CR1L: variants seen among roughly 807,000 people sequenced by gnomAD.
CR1L encodes the protein complement component receptor 1-like protein.
In CR1L, 59 loss-of-function variants were observed where a neutral mutation model predicts 62.3. The ratio of observed to expected loss-of-function variants is 0.95; its 90% CI spans 0.77 to 1.18. CR1L has a LOEUF of 1.18. CR1L is among the 50% of genes most tolerant of loss of function. The pLI is 0.00. For synonymous variants in CR1L, 279 were observed against 248.7 expected (o/e 1.12, Z -1.15); for missense variants, 700 against 702.8 (o/e 1.00, Z 0.04).
chr1:207,663,558 A>T (rs1429813284), intron 1 of CR1L, among the ~76,000 whole-genome samples: 5 of 152,214 alleles, frequency 3.3e-5, no homozygotes, highest in Non-Finnish European at 5.9e-5. Context: ...TTCTTTGACT[A>T]GGAAAGGGAA....
chr1:207,646,684 C>A (rs1338554357), intron 1 of CR1L, among the ~76,000 whole-genome samples: 2 of 120,946 alleles, frequency 1.7e-5, no homozygotes, highest in Non-Finnish European at 3.1e-5. Context: ...GCACTCCAGC[C>A]TGGATGACAG....
In CR1L at chr1:207,708,278, C is replaced by T; in HGVS notation, c.1414+15C>T. On this transcript the variant is annotated intron_variant, in intron 10 of 11. Transcript: ENST00000508064. ...AATTTGTCAACGTGAGTTGAAATCT[C>T]TTTCCCCATTCACCCCACCATTTAA... The T allele has an allele frequency of 6.2e-7, 1 of 1,610,506 alleles. No homozygotes were observed. The highest frequency in any genetic ancestry group is 8.5e-7 in the Non-Finnish European group (1 of 1,178,638).
intron 9 of CR1L, among the ~76,000 whole-genome samples, chr1:207,707,062 T>TAA (rs1664279272): frequency 6.6e-6 from 1 of 152,224 alleles, no homozygotes; most frequent in Non-Finnish European, 1.5e-5. Context: ...GTATCAAGTG[T>TAA]ATATATCTAC....
chr1:207,707,510 C>T (rs1664285040), intron 9 of CR1L, among the ~76,000 whole-genome samples: 1 of 152,100 alleles, frequency 6.6e-6, no homozygotes, highest in South Asian at 2.1e-4. Context: ...TGCCTGTAAT[C>T]CCAGCCACTC....
intron 1 of CR1L, among the ~76,000 whole-genome samples, chr1:207,655,688 TGGGCCTC>T (rs1006296349): frequency 2.0e-5 from 3 of 152,192 alleles, no homozygotes; most frequent in Non-Finnish European, 2.9e-5. Context: ...TCTGCCCCCG[TGGGCCTC>T]CCAAAGTGCT....
At position 207,723,681 on chromosome 1, in the gene CR1L, T is replaced by C; in HGVS notation, c.1706T>C (p.Leu569Pro). ...YEVFAEEFCH[L>P] ...GTGTTTGCTGAGGAATTCTGTCATC[T>C]TTAACAGTAAGTACCTACTTATAAT... The change falls in exon 12 of 12, where the codon CTT becomes CCT. Residue 569 changes from leucine (L) to proline (P), a missense_variant. Coordinates refer to ENST00000508064, the MANE Select transcript of CR1L (RefSeq NM_175710.2). 1 of 1,576,410 alleles carries C rather than the reference T, an allele frequency of 6.3e-7. No homozygotes were observed. The highest frequency in any genetic ancestry group is 1.1e-5 in the South Asian group (1 of 87,446).
At chr1:207,687,480 C>T (rs1307147118) in intron 4 of CR1L, among the ~76,000 whole-genome samples, 1 of 152,150 alleles carries the variant, frequency 6.6e-6, no homozygotes, top group African/African-American at 2.4e-5. Flanking sequence ...AGAACATTAT[C>T]AGCACCCCAG....
intron 1 of CR1L, among the ~76,000 whole-genome samples, chr1:207,675,072 T>C (rs188318352): frequency 1.1e-4 from 17 of 152,344 alleles, no homozygotes; most frequent in African/African-American, 3.8e-4. Flanking sequence ...ATTGAGTGCT[T>C]ATAACTGAGT....
At chr1:207,670,686 T>G (rs1484853919) in intron 1 of CR1L, among the ~76,000 whole-genome samples, 1 of 150,942 alleles carries the variant, frequency 6.6e-6, no homozygotes, top group African/African-American at 2.5e-5. Flanking sequence ...AAAACCAAGT[T>G]CCCCCAAGAG....
intron 3 of CR1L, among the ~76,000 whole-genome samples, chr1:207,679,338 T>C (rs937606692): frequency 2.6e-5 from 4 of 151,886 alleles, no homozygotes; most frequent in Non-Finnish European, 5.9e-5. Context: ...ACACCAGTCA[T>C]ATTGGATTGG....
In CR1L at chr1:207,699,283, T is replaced by A; in HGVS notation, c.1228+9T>A. The A allele has an allele frequency of 6.2e-7, 1 of 1,613,636 alleles. No homozygotes were observed. The highest frequency in any genetic ancestry group is 8.5e-7 in the Non-Finnish European group (1 of 1,179,564). On this transcript the variant is annotated intron_variant, in intron 8 of 11. Coordinates refer to ENST00000508064, the MANE Select transcript of CR1L (RefSeq NM_175710.2). ...TGTTCCAGTGTGTGAACGTAAGTAA[T>A]AGGAGTAACATTTCAGGCCAATCTC... is the stretch of plus-strand genomic sequence containing the variant.
At chr1:207,666,672 G>A (rs897236636) in intron 1 of CR1L, among the ~76,000 whole-genome samples, 1 of 152,120 alleles carries the variant, frequency 6.6e-6, no homozygotes, top group African/African-American at 2.4e-5. Context: ...GGACAGATGT[G>A]GGGGAACAAC....
chr1:207,696,405 C>T (rs1224640576), intron 5 of CR1L, among the ~76,000 whole-genome samples: 2 of 152,170 alleles, frequency 1.3e-5, no homozygotes, highest in African/African-American at 4.8e-5. Context: ...AACCAGAGCC[C>T]AGCTATCAAG....
intron 1 of CR1L, among the ~76,000 whole-genome samples, chr1:207,661,240 G>T (rs1663415828): frequency 6.6e-6 from 1 of 152,140 alleles, no homozygotes; most frequent in African/African-American, 2.4e-5. Flanking sequence ...TGTTGACAGT[G>T]GGGTGTTAAA....
intron 8 of CR1L, among the ~76,000 whole-genome samples, chr1:207,700,278 G>T (rs1571528153): frequency 6.6e-6 from 1 of 152,300 alleles, no homozygotes; most frequent in African/African-American, 2.4e-5. Flanking sequence ...ATATAGAGAT[G>T]CTTGCTGTCT....
intron 1 of CR1L, chr1:207,652,744 A>G (rs1175011599): frequency 1.3e-6 from 1 of 755,506 alleles, no homozygotes; most frequent in South Asian, 1.4e-5. Context: ...TAGTAAATAA[A>G]CTAGCCTTTT....
chr1:207,706,045 A>AT (rs1571531605), intron 9 of CR1L, among the ~76,000 whole-genome samples: 7 of 141,874 alleles, frequency 4.9e-5, no homozygotes, highest in South Asian at 2.2e-4. Context: ...ATATATATAT[A>AT]AAACACTGAA....
chr1:207,715,424 G>A, intron 10 of CR1L: 2 of 1,426,336 alleles, frequency 1.4e-6, no homozygotes, highest in Non-Finnish European at 2.0e-6. Context: ...ACGTAGTTTG[G>A]ATAGCTCTCC....
rs767280266 is a variant in CR1L at position 207,694,690 on chromosome 1, C to G, written c.801C>G (p.Pro267=). Residue 267 remains proline (P), a synonymous_variant, in exon 5 of 12, where the codon CCC becomes CCG. Coordinates refer to ENST00000508064, the MANE Select transcript of CR1L (RefSeq NM_175710.2). The part of the protein sequence containing the change: ...RCQPGFGMKG[P]SHVKCQALNK... ...AGCCTGGCTTTGGCATGAAAGGGCC[C>G]TCCCATGTGAAGTGCCAGGCCCTGA... 6.2e-7 allele frequency: 1 copy of G among 1,611,880 alleles called. No individual in the cohort carries two copies. Among genetic ancestry groups the G allele is most frequent in the South Asian group, 1.1e-5 (1 of 90,994 alleles).
Sources: allele counts gnomAD v4.1 joint callset (sites outside exome capture counted in the v4.1 genomes callset), GRCh38; gene constraint gnomAD v4.1.1; transcripts MANE v1.5; gene names NCBI Gene and HGNC (gene_info 2026-07-23, HGNC 2026-07-21).